Variants in TARP observed in about 807,000 individuals in gnomAD.
the TARP span, chr7:38,262,219 C>T: frequency 8.9e-5 from 144 of 1,609,634 alleles, no homozygotes; most frequent in African/African-American, 1.1e-3. Flanking sequence ...GTGATGACAT[C>T]TAGAAGAATG....
chr7:38,265,610 G>C, the TARP span: 9 of 1,611,678 alleles, frequency 5.6e-6, no homozygotes, highest in Non-Finnish European at 7.6e-6. Flanking sequence ...GCCTTCTGGA[G>C]CTTTGTTTCA....
chr7:38,262,452 C>G, the TARP span, among the ~76,000 whole-genome samples: 1 of 151,292 alleles, frequency 6.6e-6, no homozygotes, highest in East Asian at 1.9e-4. Flanking sequence ...TCTTTTTTAT[C>G]ACAACTGGAG....
the TARP span, among the ~76,000 whole-genome samples, chr7:38,262,958 CA>C: frequency 6.6e-6 from 1 of 151,766 alleles, no homozygotes; most frequent in Admixed American, 6.6e-5. Context: ...CACACTCGGC[CA>C]AGAATTCTTT....
chr7:38,270,213 A>G, the TARP span, among the ~76,000 whole-genome samples: 1 of 152,048 alleles, frequency 6.6e-6, no homozygotes, highest in African/African-American at 2.4e-5. Flanking sequence ...TTAACCCTAT[A>G]GGACCAAGCA....
chr7:38,268,107 T>C, the TARP span, among the ~76,000 whole-genome samples: 16 of 151,592 alleles, frequency 1.1e-4, no homozygotes, highest in African/African-American at 3.1e-4. Flanking sequence ...ATTTTTAAAA[T>C]ACTACTTTTA....
At chr7:38,264,703 T>TA in the TARP span, among the ~76,000 whole-genome samples, 1 of 151,830 alleles carries the variant, frequency 6.6e-6, no homozygotes, top group Non-Finnish European at 1.5e-5. Context: ...CTATACTTTT[T>TA]ATTTTGCCCT....
chr7:38,265,610 G>A, the TARP span: 2 of 1,611,678 alleles, frequency 1.2e-6, no homozygotes, highest in Non-Finnish European at 1.7e-6. Flanking sequence ...GCCTTCTGGA[G>A]CTTTGTTTCA....
the TARP span, among the ~76,000 whole-genome samples, chr7:38,270,433 G>A: frequency 4.6e-5 from 7 of 151,260 alleles, no homozygotes; most frequent in South Asian, 2.1e-4. Context: ...TGTTAAGAAA[G>A]TCAAAGGGAA....
chr7:38,262,485 T>C, the TARP span, among the ~76,000 whole-genome samples: 1 of 151,702 alleles, frequency 6.6e-6, no homozygotes, highest in Admixed American at 6.6e-5. Flanking sequence ...GAGCATTTAC[T>C]TTTCCTTCTG....
chr7:38,266,090 T>C, the TARP span, among the ~76,000 whole-genome samples: 1 of 151,518 alleles, frequency 6.6e-6, no homozygotes, highest in South Asian at 2.1e-4. Context: ...CAGGGGAAAG[T>C]GGAAGGTCAG....
chr7:38,260,525 G>A, the TARP span, among the ~76,000 whole-genome samples: 1 of 150,128 alleles, frequency 6.7e-6, no homozygotes, highest in Non-Finnish European at 1.5e-5. Context: ...TGATGTGTTA[G>A]GTAGTTGTGG....
At chr7:38,260,547 G>A in the TARP span, among the ~76,000 whole-genome samples, 3 of 150,616 alleles carry the variant, frequency 2.0e-5, no homozygotes, top group African/African-American at 7.4e-5. Context: ...ACACTCACCT[G>A]TCTTTCCTAA....
At chr7:38,260,314 T>C in the TARP span, 1 of 909,400 alleles carries the variant, frequency 1.1e-6, no homozygotes, top group Non-Finnish European at 1.6e-6. Flanking sequence ...TCTGATGATT[T>C]ACGTTGAAGT....
chr7:38,271,980 T>G, the TARP span, among the ~76,000 whole-genome samples: 2 of 151,056 alleles, frequency 1.3e-5, no homozygotes, highest in Non-Finnish European at 3.0e-5. Flanking sequence ...CATATTCGAG[T>G]TGGGGGAGGG....
chr7:38,262,866 G>A, the TARP span, among the ~76,000 whole-genome samples: 4 of 150,996 alleles, frequency 2.6e-5, no homozygotes, highest in Admixed American at 6.6e-5. Context: ...GCCATGTTGC[G>A]CAGGCTGGTT....
the TARP span, among the ~76,000 whole-genome samples, chr7:38,265,182 C>G: frequency 6.6e-6 from 1 of 150,934 alleles, no homozygotes; most frequent in Admixed American, 6.6e-5. Context: ...TCTCCAAAAC[C>G]TATACCATTT....
chr7:38,261,870 C>CAA, the TARP span, among the ~76,000 whole-genome samples: 5 of 52,428 alleles, frequency 9.5e-5, no homozygotes, highest in African/African-American at 2.1e-4. Flanking sequence ...AGACTCTGTC[C>CAA]AAAAAAAAAA....
chr7:38,268,974 A>T, the TARP span, among the ~76,000 whole-genome samples: 1 of 151,608 alleles, frequency 6.6e-6, no homozygotes, highest in African/African-American at 2.4e-5. Context: ...TGCAATTCTT[A>T]TACAACCCTG....
chr7:38,270,925 G>GA, the TARP span, among the ~76,000 whole-genome samples: 1 of 150,890 alleles, frequency 6.6e-6, no homozygotes, highest in Non-Finnish European at 1.5e-5. Flanking sequence ...TCTAGTAATA[G>GA]AAAAAAATAT....
Sources: gnomAD v4.1 joint callset for allele counts (sites outside exome capture counted in the v4.1 genomes callset) on GRCh38, gnomAD v4.1.1 for gene constraint, MANE v1.5 for transcripts.